Variants in CD207 observed in about 807,000 individuals in gnomAD.
The protein encoded by CD207 is C-type lectin domain family 4 member K.
In CD207, 28 loss-of-function variants were observed where a neutral mutation model predicts 31.6. That is an observed-to-expected ratio of 0.89 (90% CI 0.66 to 1.21). CD207 has a LOEUF of 1.21. Among genes scored for constraint, CD207 ranks in the 50% most tolerant of loss-of-function variants. The probability of loss-of-function intolerance (pLI) is 0.00; values close to 1 mark genes in which losing one functional copy is unlikely to be tolerated. For synonymous variants in CD207, 168 were observed against 153.9 expected, an observed-to-expected ratio of 1.09 and a Z score of -0.68; for missense variants, 388 against 397.8, an observed-to-expected ratio of 0.98 and a Z score of 0.21.
At chr2:70,825,528 A>G (rs955257509), downstream of CD207, among the ~76,000 whole-genome samples, 5 of 152,144 alleles carry the variant, frequency 3.3e-5, no homozygotes, top group South Asian at 4.1e-4. Context: ...AAACTATTCT[A>G]TAATATAAAG....
the CD207 span, among the ~76,000 whole-genome samples, chr2:70,825,022 G>T: frequency 1.3e-5 from 2 of 152,204 alleles, no homozygotes; most frequent in African/African-American, 2.4e-5. Context: ...CACTACCCCA[G>T]CCTGGAGATC....
intron 4 of CD207, 130 bp from the exon 5 acceptor site, chr2:70,831,949 G>A (rs782253660): frequency 1.5e-6 from 1 of 654,568 alleles, no homozygotes; most frequent in Non-Finnish European, 2.8e-6. Flanking sequence ...GGCCTCTCAA[G>A]CTTCTTCCTG....
the CD207 span, among the ~76,000 whole-genome samples, chr2:70,824,637 A>AAAAAAAAAAAC: frequency 6.7e-6 from 1 of 150,082 alleles, no homozygotes; most frequent in East Asian, 1.9e-4. Context: ...AAAAAAAAAA[A>AAAAAAAAAAAC]AAAAAAAAAC....
At chr2:70,834,526 C>G (rs1553400606) in intron 2 of CD207, among the ~76,000 whole-genome samples, 1 of 152,158 alleles carries the variant, frequency 6.6e-6, no homozygotes, top group East Asian at 1.9e-4. Context: ...GAACCAGCCA[C>G]TAATCTGGAA....
chr2:70,828,660 C>T (rs551487906), downstream of CD207, among the ~76,000 whole-genome samples: 4 of 152,274 alleles, frequency 2.6e-5, no homozygotes, highest in South Asian at 8.3e-4. Flanking sequence ...AACTATAATC[C>T]TCTGCAGTCA....
At chr2:70,834,304 T>C (rs1677553224) in intron 2 of CD207, among the ~76,000 whole-genome samples, 1 of 152,018 alleles carries the variant, frequency 6.6e-6, no homozygotes, top group African/African-American at 2.4e-5. Flanking sequence ...AAGCAGGAGT[T>C]AGAAACCATT....
At chr2:70,824,622 C>CAAAA in the CD207 span, among the ~76,000 whole-genome samples, 45 of 38,756 alleles carry the variant, frequency 1.2e-3, no homozygotes, top group South Asian at 4.2e-3. Flanking sequence ...GCTTAGTTAC[C>CAAAA]AAAAAAAAAA....
chr2:70,835,674 G>A, intron 1 of CD207, 30 bp downstream of exon 1: 2 of 1,611,440 alleles, frequency 1.2e-6, no homozygotes, highest in South Asian at 2.2e-5. Flanking sequence ...ACAGAACACG[G>A]AGCAGGTTCT....
the CD207 span, among the ~76,000 whole-genome samples, chr2:70,824,630 A>AAAAAAAAAAAAAAC: frequency 6.7e-6 from 1 of 149,122 alleles, no homozygotes; most frequent in Non-Finnish European, 1.5e-5. Flanking sequence ...ACCAAAAAAA[A>AAAAAAAAAAAAAAC]AAAAAAAAAA....
chr2:70,834,117 G>T, intron 2 of CD207, 97 bp from the exon 3 acceptor site: 1 of 1,175,486 alleles, frequency 8.5e-7, no homozygotes, highest in South Asian at 2.4e-5. Context: ...GGAATAGGCT[G>T]AAGCTTCCCA....
At chr2:70,824,399 A>G in the CD207 span, among the ~76,000 whole-genome samples, 91,213 of 151,130 alleles carry the variant, frequency 0.6, 28,011 homozygotes, top group Middle Eastern at 0.69. Context: ...AAAAAATTAG[A>G]TGTACACACA....
rs1240152250 is a variant in CD207 at position 70,831,702 on chromosome 2, T to G, written c.835A>C (p.Arg279=). The change falls in exon 5 of 6, where the codon AGG becomes CGG. Residue 279 remains arginine, a splice_region_variant and synonymous_variant. Transcript: ENST00000410009. The stretch of plus-strand genomic sequence containing the variant: ...GCACGGAGGGCTCCAGGGGCTTACC[T>G]CACACTTTGGACCTTGTTGAATGGC... ...DTPFNKVQSV[R]FWIPGEPNNA... is the part of the protein sequence containing the mutation. The G allele has an allele frequency of 6.3e-7, 1 of 1,599,616 alleles. No homozygotes were observed. Among genetic ancestry groups the G allele is most frequent in the Non-Finnish European group, 8.6e-7 (1 of 1,167,092 alleles).
chr2:70,825,563 G>A (rs66683258), downstream of CD207, among the ~76,000 whole-genome samples: 91,827 of 151,898 alleles, frequency 0.6, 28,243 homozygotes, highest in Middle Eastern at 0.7. Context: ...TTTTGAGACA[G>A]GGTCTCACTC....
downstream of CD207, among the ~76,000 whole-genome samples, chr2:70,825,543 T>TTC (rs1677322641): frequency 2.0e-5 from 3 of 152,202 alleles, no homozygotes; most frequent in Non-Finnish European, 2.9e-5. Flanking sequence ...ATAAAGTTTT[T>TTC]AAAAAAAATT....
At chr2:70,826,649 C>A (rs1229336637), downstream of CD207, among the ~76,000 whole-genome samples, 3 of 152,114 alleles carry the variant, frequency 2.0e-5, no homozygotes, top group Non-Finnish European at 1.5e-5. Flanking sequence ...AAGGGCCTCC[C>A]AAAGCATCTA....
Position 70,835,713 on chromosome 2 carries a change from A to G in CD207, c.64T>C (p.Trp22Arg), listed in dbSNP as rs782598353. 1 of 1,613,300 alleles carries G rather than the reference A, an allele frequency of 6.2e-7. No homozygotes were observed. Among genetic ancestry groups the G allele is most frequent in the Admixed American group, 1.7e-5 (1 of 59,884 alleles). The change falls in exon 1 of 6, where the codon TGG (tryptophan) becomes CGG (arginine). Residue 22 changes from tryptophan (W) to arginine (R), a missense_variant. Physicochemically the swap from Trp to Arg is moderately radical, Grantham distance 101. Transcript: ENST00000410009. ...CAGCGATGTGGCTTGCCTCGGGGCCAGAGGGAGATGTTCTGTTTGTCCACA... is the reference window on the plus strand; with the variant it reads ...CAGCGATGTGGCTTGCCTCGGGGCCGGAGGGAGATGTTCTGTTTGTCCACA... ...FTVDKQNISLWPREPPPKSGP... is the reference protein window; with the variant it reads ...FTVDKQNISLRPREPPPKSGP...
chr2:70,830,818 C>T lies in CD207; in HGVS notation c.*232G>A, dbSNP rs183556916. The T allele has an allele frequency of 4.2e-5, 20 of 480,346 alleles. No individual in the cohort carries two copies. The highest frequency in any genetic ancestry group is 1.1e-3 in the Middle Eastern group (2 of 1,776). 29.8% of individuals were successfully genotyped at this position (480,346 alleles called of 1,614,324 possible). On this transcript the variant is annotated 3_prime_UTR_variant, in exon 6 of 6. Coordinates refer to ENST00000410009, the MANE Select transcript of CD207 (RefSeq NM_015717.5). The stretch of plus-strand genomic sequence containing the variant: ...AGGGCAATTGGAACTTCTAAATCCT[C>T]TCTACCCACCCCTCCCACTTTAACC...
chr2:70,834,001 G>T lies in CD207; in HGVS notation c.210C>A (p.Thr70=). ...GGACATTGGTCTTTACATCTGATAT[G>T]GTGCCCATAAACCGGGGATCTGGGA... ...QAVLYPRFMG[T]ISDVKTNVQL... is the part of the protein sequence containing the mutation. The change falls in exon 3 of 6, where the codon ACC becomes ACA. Residue 70 remains threonine, a synonymous_variant. Coordinates refer to ENST00000410009, the MANE Select transcript of CD207 (RefSeq NM_015717.5). The T allele has an allele frequency of 6.6e-7, 1 of 1,512,322 alleles. No homozygotes were observed. The highest frequency in any genetic ancestry group is 8.8e-7 in the Non-Finnish European group (1 of 1,131,552). 93.7% of individuals were successfully genotyped at this position (1,512,322 alleles called of 1,614,324 possible). A position where few individuals can be genotyped will look rare whatever the true frequency, so the allele number is the denominator to read the frequency against.
chr2:70,827,637 T>C (rs11126301), downstream of CD207, among the ~76,000 whole-genome samples: 147,633 of 152,000 alleles, frequency 0.97, 71,771 homozygotes, highest in African/African-American at 0.98. Flanking sequence ...CACACGTGTG[T>C]GCGCGCACAC....
Sources: gnomAD v4.1 joint callset for allele counts (sites outside exome capture counted in the v4.1 genomes callset) on GRCh38, gnomAD v4.1.1 for gene constraint, MANE v1.5 for transcripts, NCBI Gene and HGNC (gene_info 2026-07-23, HGNC 2026-07-21) for gene names.